Variants in FNIP1 observed in about 807,000 individuals in gnomAD.
The protein encoded by FNIP1 is folliculin-interacting protein 1.
A neutral mutation model predicts 124.5 loss-of-function variants in FNIP1; 40 were observed. The ratio of observed to expected loss-of-function variants is 0.32; its 90% CI spans 0.25 to 0.42. FNIP1 has a LOEUF of 0.42. Ranked by LOEUF, FNIP1 falls within the 10% of genes least tolerant of loss-of-function variation. The pLI, the probability that FNIP1 is intolerant of heterozygous loss-of-function variation, is 1.00. For synonymous variants in FNIP1, 472 were observed against 470.6 expected (o/e 1.00, Z -0.04); for missense variants, 1,176 against 1,403.7 (o/e 0.84, Z 2.59).
intron 15 of FNIP1, among the ~76,000 whole-genome samples, chr5:131,652,944 A>C (rs1002596184): frequency 6.6e-6 from 1 of 152,128 alleles, no homozygotes; most frequent in Admixed American, 6.5e-5. Flanking sequence ...AGTGTGGGTC[A>C]AAGAGTAAGA....
At chr5:131,741,688 T>C (rs931222529) in intron 2 of FNIP1, among the ~76,000 whole-genome samples, 6 of 152,234 alleles carry the variant, frequency 3.9e-5, no homozygotes, top group African/African-American at 1.4e-4. Flanking sequence ...TATGATCATC[T>C]ATAATCTTTA....
intron 16 of FNIP1, among the ~76,000 whole-genome samples, chr5:131,649,833 T>C (rs542001306): frequency 2.0e-5 from 3 of 152,308 alleles, no homozygotes; most frequent in African/African-American, 7.2e-5. Context: ...ATAATTCTTT[T>C]GTATGTGGCT....
chr5:131,687,981 G>A (rs1393448242), intron 11 of FNIP1, among the ~76,000 whole-genome samples: 1 of 152,060 alleles, frequency 6.6e-6, no homozygotes, highest in African/African-American at 2.4e-5. Flanking sequence ...TTTTACCAGA[G>A]CCTTATCTGA....
Position 131,721,688 on chromosome 5 carries a change from C to T in FNIP1, c.355-2271G>A, listed in dbSNP as rs185703119. Among the ~76,000 whole-genome samples, 656 of 152,270 alleles carry T rather than the reference C, an allele frequency of 4.3e-3. 12 individuals are homozygous for T. The highest frequency in any genetic ancestry group is 2.9e-3 in the Non-Finnish European group (198 of 68,032). On this transcript the variant is annotated intron_variant, in intron 3 of 17. Coordinates refer to ENST00000510461, the MANE Select transcript of FNIP1 (RefSeq NM_133372.3). Reference sequence around the variant, plus strand: ...TGGTGCATGCCTGTAATCCCAGCTACGCGGGAGGCTGAGGCAGGAGAATCG... The same window carrying T: ...TGGTGCATGCCTGTAATCCCAGCTATGCGGGAGGCTGAGGCAGGAGAATCG...
At chr5:131,788,568 G>A (rs1772294419) in intron 1 of FNIP1, among the ~76,000 whole-genome samples, 1 of 151,662 alleles carries the variant, frequency 6.6e-6, no homozygotes, top group Non-Finnish European at 1.5e-5. Context: ...GGGCGTGGTG[G>A]CACGTGCCTG....
At chr5:131,677,311 CA>C (rs1467289175) in intron 13 of FNIP1, among the ~76,000 whole-genome samples, 1 of 152,306 alleles carries the variant, frequency 6.6e-6, no homozygotes, top group Middle Eastern at 3.4e-3. Context: ...AGCAAGTGAA[CA>C]AAAGTGGATC....
At chr5:131,660,269 C>T (rs1394671625) in intron 15 of FNIP1, among the ~76,000 whole-genome samples, 1 of 152,028 alleles carries the variant, frequency 6.6e-6, no homozygotes, top group Admixed American at 6.5e-5. Flanking sequence ...TAAAAGGAAG[C>T]CATCAGGCTG....
At chr5:131,748,018 T>C (rs968784738) in intron 1 of FNIP1, among the ~76,000 whole-genome samples, 2 of 151,870 alleles carry the variant, frequency 1.3e-5, no homozygotes, top group East Asian at 3.9e-4. Flanking sequence ...TTTGTAGATA[T>C]GAAGGTAAGG....
At chr5:131,663,261 T>G (rs1767500642) in intron 15 of FNIP1, among the ~76,000 whole-genome samples, 1 of 152,242 alleles carries the variant, frequency 6.6e-6, no homozygotes, top group Non-Finnish European at 1.5e-5. Flanking sequence ...AGAAATCGAC[T>G]TAATTAAATA....
In FNIP1 at chr5:131,796,826, C is replaced by A; in HGVS notation, c.92+4G>T. ...TCCGCGACCCCCGCCCCACAGCGCC[C>A]TACCTGAACCCGCAATCTGGGTCCC... On this transcript the variant is annotated splice_donor_region_variant and intron_variant, in intron 1 of 17. Coordinates refer to ENST00000510461, the MANE Select transcript of FNIP1 (RefSeq NM_133372.3). 1.3e-6 allele frequency: 2 copies of A among 1,578,908 alleles called. No homozygotes were observed. The highest frequency in any genetic ancestry group is 1.7e-6 in the Non-Finnish European group (2 of 1,162,978).
chr5:131,740,614 A>G (rs1467995964), intron 2 of FNIP1, among the ~76,000 whole-genome samples: 1 of 152,242 alleles, frequency 6.6e-6, no homozygotes, highest in Non-Finnish European at 1.5e-5. Context: ...TGGCTATGTT[A>G]GTGTTCATAT....
chr5:131,743,300 AAAG>A (rs1189810359), intron 2 of FNIP1, among the ~76,000 whole-genome samples: 1 of 152,110 alleles, frequency 6.6e-6, no homozygotes, highest in Non-Finnish European at 1.5e-5. Context: ...TTTATAATAA[AAAG>A]AAGAGTAGGT....
At chr5:131,646,538 G>C (rs1766886850) in intron 17 of FNIP1, among the ~76,000 whole-genome samples, 1 of 152,110 alleles carries the variant, frequency 6.6e-6, no homozygotes, top group Non-Finnish European at 1.5e-5. Context: ...AGTGGCCAGA[G>C]AACACAAGAA....
intron 3 of FNIP1, among the ~76,000 whole-genome samples, chr5:131,726,416 A>G (rs1349065262): frequency 6.6e-6 from 1 of 152,116 alleles, no homozygotes; most frequent in Non-Finnish European, 1.5e-5. Flanking sequence ...TTCCTGGTTT[A>G]GTCTTGGGAT....
At chr5:131,708,367 G>A (rs966938396) in intron 8 of FNIP1, among the ~76,000 whole-genome samples, 2 of 152,148 alleles carry the variant, frequency 1.3e-5, no homozygotes, top group Non-Finnish European at 2.9e-5. Flanking sequence ...ACTGAATTAA[G>A]TTTCTCATAT....
At chr5:131,730,681 T>C (rs1770052356) in intron 3 of FNIP1, among the ~76,000 whole-genome samples, 1 of 152,216 alleles carries the variant, frequency 6.6e-6, no homozygotes, top group Non-Finnish European at 1.5e-5. Flanking sequence ...AATTGGGAAA[T>C]ATAAGGAGAA....
chr5:131,656,474 G>A (rs972266337), intron 15 of FNIP1, among the ~76,000 whole-genome samples: 1 of 152,190 alleles, frequency 6.6e-6, no homozygotes, highest in African/African-American at 2.4e-5. Flanking sequence ...CAGGGTTGCT[G>A]TAAGAAAGCT....
At chr5:131,738,222 C>T (rs1173709686) in intron 2 of FNIP1, among the ~76,000 whole-genome samples, 1 of 152,066 alleles carries the variant, frequency 6.6e-6, no homozygotes, top group Non-Finnish European at 1.5e-5. Flanking sequence ...ATCTTATAAA[C>T]GTATGATTTT....
chr5:131,730,006 G>A (rs539079095), intron 3 of FNIP1, among the ~76,000 whole-genome samples: 103 of 151,982 alleles, frequency 6.8e-4, no homozygotes, highest in African/African-American at 2.4e-3. Flanking sequence ...CTCCCAAAAT[G>A]CTGGGATTAC....
Sources: allele counts gnomAD v4.1 joint callset (sites outside exome capture counted in the v4.1 genomes callset), GRCh38; gene constraint gnomAD v4.1.1; transcripts MANE v1.5; gene names NCBI Gene and HGNC (gene_info 2026-07-23, HGNC 2026-07-21).